WWTR1: variants seen among roughly 807,000 people sequenced by gnomAD.
WWTR1 encodes the protein WW domain containing transcription regulator 1.
WWTR1 carries 13 observed loss-of-function variants against 40.1 expected under a neutral mutation model. The observed-to-expected ratio is 0.32, with a 90% confidence interval of 0.21 to 0.52. The LOEUF (loss-of-function observed/expected upper bound fraction) is 0.52. Among genes scored for constraint, WWTR1 ranks in the 20% least tolerant of loss-of-function variants. WWTR1 has a pLI of 0.97. For synonymous variants in WWTR1, 230 were observed against 210.1 expected (o/e 1.09, Z -0.82); for missense variants, 436 against 523.1 (o/e 0.83, Z 1.63).
intron 4 of WWTR1, among the ~76,000 whole-genome samples, chr3:149,537,439 A>G (rs1735888214): frequency 6.6e-6 from 1 of 152,186 alleles, no homozygotes; most frequent in South Asian, 2.1e-4. Context: ...ACTAGAAAGA[A>G]ATCATCAGCA....
At chr3:149,668,639 G>A (rs1713940846) in intron 2 of WWTR1, among the ~76,000 whole-genome samples, 1 of 136,778 alleles carries the variant, frequency 7.3e-6, no homozygotes, top group Non-Finnish European at 1.6e-5. Flanking sequence ...AGTCTTCATT[G>A]CTTCACATCA....
intron 3 of WWTR1, among the ~76,000 whole-genome samples, chr3:149,547,013 A>G (rs1447388467): frequency 6.6e-6 from 1 of 152,096 alleles, no homozygotes; most frequent in Non-Finnish European, 1.5e-5. Flanking sequence ...CTGAACCATC[A>G]TTGACACTGG....
intron 2 of WWTR1, among the ~76,000 whole-genome samples, chr3:149,647,723 A>G (rs1330288545): frequency 2.0e-5 from 3 of 152,248 alleles, no homozygotes; most frequent in Non-Finnish European, 2.9e-5. Flanking sequence ...CATAATTTCC[A>G]GACTCTTTTA....
chr3:149,697,266 C>T (rs1343371819), intron 1 of WWTR1, among the ~76,000 whole-genome samples: 3 of 152,006 alleles, frequency 2.0e-5, no homozygotes, highest in Non-Finnish European at 4.4e-5. Context: ...TGGGAGCAGG[C>T]ATGTCATGTG....
chr3:149,554,993 T>C (rs1198397877), intron 3 of WWTR1, among the ~76,000 whole-genome samples: 1 of 152,244 alleles, frequency 6.6e-6, no homozygotes, highest in Non-Finnish European at 1.5e-5. Flanking sequence ...ACAATAGGTA[T>C]ACTTTTATCC....
chr3:149,651,243 A>G (rs1348762748), intron 2 of WWTR1, among the ~76,000 whole-genome samples: 1 of 152,242 alleles, frequency 6.6e-6, no homozygotes, highest in Non-Finnish European at 1.5e-5. Context: ...ACGTTCAGAT[A>G]AAAAAGGACT....
rs527694071 is a variant in WWTR1, at chr3:149,583,813, GAGA to G, written c.432-10816_432-10814del. Reference sequence around the variant, plus strand: ...AGGAGCTGGCAGTCAAATGAGCAGGGAGAAGGTGGCAGTGAAACAACGAGCAGT... The same window carrying G: ...AGGAGCTGGCAGTCAAATGAGCAGGGAGGTGGCAGTGAAACAACGAGCAGT... On this transcript the variant is annotated intron_variant, in intron 2 of 6. Transcript: ENST00000360632. 3.3e-5 allele frequency among the ~76,000 whole-genome samples: 5 copies of G among 152,310 alleles called. No individual in the cohort carries two copies. The East Asian group carries it at 9.6e-4, about 29-fold the overall frequency.
chr3:149,660,391 T>A (rs997991815), upstream of WWTR1: 40 of 152,190 alleles, frequency 2.6e-4, no homozygotes, highest in Non-Finnish European at 2.9e-5. Context: ...GGATGCAGTC[T>A]TCGTTTCTTT....
At chr3:149,641,728 C>G (rs1338980907) in intron 2 of WWTR1, among the ~76,000 whole-genome samples, 1 of 152,186 alleles carries the variant, frequency 6.6e-6, no homozygotes, top group Admixed American at 6.5e-5. Context: ...CATAATGACC[C>G]TACATTCTGC....
intron 2 of WWTR1, among the ~76,000 whole-genome samples, chr3:149,590,873 T>C (rs56956887): frequency 6.6e-5 from 10 of 152,282 alleles, no homozygotes; most frequent in African/African-American, 2.4e-4. Flanking sequence ...TAGCCTGACT[T>C]TGTCCTGGAA....
At chr3:149,654,215 A>G (rs1236913832) in intron 2 of WWTR1, among the ~76,000 whole-genome samples, 1 of 152,196 alleles carries the variant, frequency 6.6e-6, no homozygotes, top group African/African-American at 2.4e-5. Context: ...AGTAACTCCA[A>G]GTGAGTCACC....
chr3:149,607,763 C>T (rs1739553493), intron 2 of WWTR1, among the ~76,000 whole-genome samples: 1 of 152,186 alleles, frequency 6.6e-6, no homozygotes, highest in South Asian at 2.1e-4. Flanking sequence ...CAATGATTAA[C>T]AACTTTAGGC....
At chr3:149,689,619 A>G (rs561630995) in intron 1 of WWTR1, among the ~76,000 whole-genome samples, 3 of 152,256 alleles carry the variant, frequency 2.0e-5, no homozygotes, top group African/African-American at 7.2e-5. Context: ...TGTTTATCTT[A>G]GAAAACTATA....
chr3:149,723,543 G>T (rs1409035601), intron 4 of WWTR1, among the ~76,000 whole-genome samples: 1 of 152,078 alleles, frequency 6.6e-6, no homozygotes, highest in Non-Finnish European at 1.5e-5. Flanking sequence ...TTGTGGTGTG[G>T]ATCAGCCAGA....
intron 4 of WWTR1, among the ~76,000 whole-genome samples, chr3:149,720,449 G>T (rs1715728059): frequency 6.6e-6 from 1 of 151,950 alleles, no homozygotes. Flanking sequence ...ATTTATTTCT[G>T]GATTCTCTAT....
At chr3:149,692,216 G>A in intron 1 of WWTR1, among the ~76,000 whole-genome samples, 1 of 150,418 alleles carries the variant, frequency 6.6e-6, no homozygotes. Flanking sequence ...AACACTATAG[G>A]CCAATATCTC....
At chr3:149,699,211 G>A (rs1715089463) in intron 1 of WWTR1, among the ~76,000 whole-genome samples, 1 of 152,020 alleles carries the variant, frequency 6.6e-6, no homozygotes, top group African/African-American at 2.4e-5. Flanking sequence ...TCTGATTGTG[G>A]GTGATTAGAA....
chr3:149,585,155 T>TGTGTGTGTGTGTGTGTGTGTG (rs1553795598), intron 2 of WWTR1, among the ~76,000 whole-genome samples: 1 of 151,446 alleles, frequency 6.6e-6, no homozygotes, highest in South Asian at 2.1e-4. Context: ...TGTGTGTGTG[T>TGTGTGTGTGTGTGTGTGTGTG]TTAAGATGGA....
At position 149,645,795 on chromosome 3, in the gene WWTR1, A is replaced by AT. The variant is rs150142433; in HGVS notation, c.431+11080dup. The stretch of plus-strand genomic sequence containing the variant: ...TGCAGAAAAGCCATCACAAATGAAT[A>AT]TTTTTTTTTTAAATAAACAACCTAG... On this transcript the variant is annotated intron_variant, in intron 2 of 6. Transcript: ENST00000360632. 3.4e-3 allele frequency among the ~76,000 whole-genome samples: 518 copies of AT among 150,398 alleles called. 2 individuals carry two copies. The highest frequency in any genetic ancestry group is 0.021 in the Middle Eastern group (6 of 288).
Sources: allele counts gnomAD v4.1 joint callset (sites outside exome capture counted in the v4.1 genomes callset), GRCh38; gene constraint gnomAD v4.1.1; transcripts MANE v1.5; gene names NCBI Gene and HGNC (gene_info 2026-07-23, HGNC 2026-07-21).